CFH: variants seen among roughly 807,000 people sequenced by gnomAD.
CFH encodes H factor 1 (complement).
CFH carries 53 observed loss-of-function variants against 147.3 expected under a neutral mutation model. The ratio of observed to expected loss-of-function variants is 0.36; its 90% CI spans 0.29 to 0.45. CFH has a LOEUF of 0.45. CFH is among the 20% of genes least tolerant of loss of function. The pLI is 1.00. For synonymous variants in CFH, 536 were observed against 489.4 expected, an observed-to-expected ratio of 1.10 and a Z score of -1.26; for missense variants, 1,380 against 1,498.0, an observed-to-expected ratio of 0.92 and a Z score of 1.30.
chr1:196,690,141 A>C lies in CFH; in HGVS notation c.1238A>C (p.Asp413Ala). ...AAGTTTGTACAGGGTAAATCTATAGACGTTGCCTGCCATCCTGGCTACGCT... is the reference window on the plus strand; with the variant it reads ...AAGTTTGTACAGGGTAAATCTATAGCCGTTGCCTGCCATCCTGGCTACGCT... The part of the protein sequence containing the change: ...GRKFVQGKSI[D>A]VACHPGYALP... Residue 413 changes from aspartate (D) to alanine (A), a missense_variant, in exon 9 of 22, where the codon GAC becomes GCC. Asp to Ala is a moderately radical substitution (Grantham distance 126). Transcript: ENST00000367429. The C allele has an allele frequency of 6.2e-7, 1 of 1,613,258 alleles. No individual in the cohort carries two copies. Among genetic ancestry groups the C allele is most frequent in the Non-Finnish European group, 8.5e-7 (1 of 1,179,490 alleles).
chr1:196,713,225 G>A (rs1668765655), intron 9 of CFH, among the ~76,000 whole-genome samples: 1 of 151,954 alleles, frequency 6.6e-6, no homozygotes, highest in Admixed American at 6.6e-5. Context: ...CGTCTTCTTT[G>A]AACTCCACAT....
chr1:196,717,404 A>C (rs1270534054), intron 11 of CFH, among the ~76,000 whole-genome samples: 1 of 152,142 alleles, frequency 6.6e-6, no homozygotes. Context: ...GTTGTAATTT[A>C]ATTACCTTAA....
chr1:196,680,069 A>G (rs1256882174), intron 6 of CFH, among the ~76,000 whole-genome samples: 3 of 151,942 alleles, frequency 2.0e-5, no homozygotes, highest in Non-Finnish European at 4.4e-5. Context: ...GATCAGAGTG[A>G]GGACTATAAT....
chr1:196,695,293 G>C (rs1264030743), intron 9 of CFH, among the ~76,000 whole-genome samples: 1 of 152,004 alleles, frequency 6.6e-6, no homozygotes, highest in Non-Finnish European at 1.5e-5. Flanking sequence ...TTTTTGTCAG[G>C]TTTGTTGAAG....
chr1:196,676,534 C>T (rs779158626), intron 4 of CFH, among the ~76,000 whole-genome samples: 1 of 151,812 alleles, frequency 6.6e-6, no homozygotes, highest in Admixed American at 6.6e-5. Context: ...AAACTAAGGG[C>T]GAGCTCTGTT....
chr1:196,735,094 C>CGT (rs1158777545), intron 15 of CFH, among the ~76,000 whole-genome samples: 3 of 151,894 alleles, frequency 2.0e-5, no homozygotes, highest in East Asian at 3.9e-4. Flanking sequence ...ATGTTACACA[C>CGT]GTGTGTGTGT....
Position 196,676,085 on chromosome 1 carries a change from A to T in CFH, c.427+20A>T. The T allele has an allele frequency of 1.4e-6, 2 of 1,428,038 alleles. No homozygotes were observed. The highest frequency in any genetic ancestry group is 2.0e-6 in the Non-Finnish European group (2 of 1,016,486). The allele number at this position is 1,428,038 out of a possible 1,614,324, so 88.5% of individuals were successfully genotyped here. On this transcript the variant is annotated intron_variant, in intron 4 of 21. Transcript: ENST00000367429. ...GTGAAGGTAGACATAAAATGTATTT[A>T]CAAGTATATTGAAATAAATATCTAA...
At chr1:196,700,483 G>A (rs1383779861) in intron 9 of CFH, among the ~76,000 whole-genome samples, 1 of 151,884 alleles carries the variant, frequency 6.6e-6, no homozygotes, top group Non-Finnish European at 1.5e-5. Context: ...GTGAAACCCT[G>A]TCTCTACTAG....
intron 6 of CFH, 76 bp from the exon 7 acceptor site, chr1:196,684,988 T>G (rs1667777071): frequency 3.4e-6 from 4 of 1,174,324 alleles, no homozygotes; most frequent in Non-Finnish European, 5.0e-6. Context: ...AACACCCACT[T>G]TTAAATGTTT....
At chr1:196,728,904 T>A (rs1669214467) in intron 15 of CFH, among the ~76,000 whole-genome samples, 1 of 151,950 alleles carries the variant, frequency 6.6e-6, no homozygotes, top group East Asian at 1.9e-4. Context: ...TATGCATGTA[T>A]GTATGTATCT....
At chr1:196,692,605 T>C (rs972514475) in intron 9 of CFH, among the ~76,000 whole-genome samples, 1 of 148,700 alleles carries the variant, frequency 6.7e-6, no homozygotes, top group African/African-American at 2.5e-5. Context: ...CTTCCTTCTT[T>C]CTTTTTCTTT....
intron 6 of CFH, among the ~76,000 whole-genome samples, chr1:196,681,690 A>T (rs986485912): frequency 6.6e-6 from 1 of 151,798 alleles, no homozygotes; most frequent in African/African-American, 2.4e-5. Context: ...AATAATCGAT[A>T]TAAATAAAGG....
chr1:196,718,888 C>T (rs1390811269), intron 11 of CFH, among the ~76,000 whole-genome samples: 3 of 152,010 alleles, frequency 2.0e-5, no homozygotes, highest in African/African-American at 7.2e-5. Context: ...GGCCTCCAAA[C>T]ATTAAACGAA....
intron 18 of CFH, chr1:196,741,316 G>A (rs554657811): frequency 5.6e-6 from 1 of 177,698 alleles, no homozygotes; most frequent in Admixed American, 5.5e-5. Flanking sequence ...TGACTGAGGA[G>A]GTGTCATGAA....
chr1:196,676,706 T>C (rs1346316597), intron 4 of CFH, among the ~76,000 whole-genome samples: 1 of 152,096 alleles, frequency 6.6e-6, no homozygotes, highest in African/African-American at 2.4e-5. Flanking sequence ...TGGAGAGAGA[T>C]ACAGAAGAAA....
intron 9 of CFH, among the ~76,000 whole-genome samples, chr1:196,700,462 T>A (rs1387652836): frequency 6.6e-6 from 1 of 151,946 alleles, no homozygotes; most frequent in South Asian, 2.1e-4. Flanking sequence ...GAGACCAGGC[T>A]GGCCAACATG....
intron 21 of CFH, among the ~76,000 whole-genome samples, chr1:196,746,301 T>C (rs1653002051): frequency 6.6e-6 from 1 of 151,766 alleles, no homozygotes; most frequent in Admixed American, 6.6e-5. Context: ...AAAATAATAA[T>C]AATAACCGGC....
intron 20 of CFH, among the ~76,000 whole-genome samples, chr1:196,745,379 A>G (rs1437076123): frequency 6.6e-6 from 1 of 152,026 alleles, no homozygotes; most frequent in African/African-American, 2.4e-5. Flanking sequence ...ATATTGCTGT[A>G]TGTTCAAGTT....
At position 196,725,203 on chromosome 1, in the gene CFH, G is replaced by T. The variant is rs1416836007; in HGVS notation, c.1779G>T (p.Leu593Phe). Residue 593 changes from leucine to phenylalanine, a missense_variant, in exon 12 of 22, where the codon TTG (leucine) becomes TTT (phenylalanine). Physicochemically the swap from Leu to Phe is conservative, Grantham distance 22 (BLOSUM62 0). This residue lies in a region of CFH where 830 missense variants were observed against 821.4 expected (regional missense o/e 1.01). Transcript: ENST00000367429. ...KKDQYKVGEV[L>F]KFSCKPGFTI... ...ACCAGTATAAAGTTGGAGAGGTGTT[G>T]AAATTCTCCTGCAAACCAGGATTTA... 1.2e-6 allele frequency: 2 copies of T among 1,613,756 alleles called. No homozygotes were observed. Among genetic ancestry groups the T allele is most frequent in the Non-Finnish European group, 1.7e-6 (2 of 1,179,828 alleles).
Sources: allele counts gnomAD v4.1 joint callset (sites outside exome capture counted in the v4.1 genomes callset), GRCh38; gene constraint gnomAD v4.1.1; regional missense constraint gnomAD v4.1.1; transcripts MANE v1.5; gene names NCBI Gene and HGNC (gene_info 2026-07-23, HGNC 2026-07-21).